Variants in PRDM16 observed in about 807,000 individuals in gnomAD.
The protein encoded by PRDM16 is PR/SET domain 16.
A neutral mutation model predicts 110.6 loss-of-function variants in PRDM16; 23 were observed. The observed-to-expected ratio is 0.21, with a 90% CI of 0.15 to 0.29. The LOEUF (loss-of-function observed/expected upper bound fraction) is 0.29, where lower values mean the gene tolerates loss of function less well. Ranked by LOEUF, PRDM16 falls within the 10% of genes least tolerant of loss-of-function variation. The pLI is 1.00. For synonymous variants in PRDM16, 799 were observed against 781.8 expected, an observed-to-expected ratio of 1.02 and a Z score of -0.37; for missense variants, 1,615 against 1,794.3, an observed-to-expected ratio of 0.90 and a Z score of 1.81.
In PRDM16 at chr1:3,244,001, T is replaced by C; in HGVS notation, c.388-86T>C. ...CCCACCCTGTGACTTTTGGGGACAG[T>C]GGTTCTGCCCCCACCATTTAGAACC... On this transcript the variant is annotated intron_variant, in intron 2 of 16. Transcript: ENST00000270722. This position sits in a 1 kb window ranked among gnomAD's most constrained non-coding sequence, Gnocchi z 4.1. 2.2e-6 allele frequency: 3 copies of C among 1,369,124 alleles called. No homozygotes were observed. The highest frequency in any genetic ancestry group is 3.1e-6 in the Non-Finnish European group (3 of 957,794). The allele number at this position is 1,369,124 out of a possible 1,614,324, so 84.8% of individuals were successfully genotyped here. A position where few individuals can be genotyped will look rare whatever the true frequency, so the allele number is the denominator to read the frequency against.
chr1:3,198,923 G>A (rs771378719), intron 2 of PRDM16, among the ~76,000 whole-genome samples: 12 of 152,156 alleles, frequency 7.9e-5, no homozygotes, highest in Admixed American at 2.6e-4. Flanking sequence ...TATCAGCACC[G>A]TAATTTCACG....
intron 1 of PRDM16, among the ~76,000 whole-genome samples, chr1:3,145,925 TC>T (rs1217000638): frequency 6.6e-6 from 1 of 151,574 alleles, no homozygotes; most frequent in Non-Finnish European, 1.5e-5. Context: ...CCTGGAGAGG[TC>T]CCCCGGCGCC....
rs550877718 is a variant in PRDM16, at chr1:3,190,563, T to G, written c.387+4089T>G. Reference sequence around the variant, plus strand: ...ACCCCCGACCTGGGGGCTCACTCTGTGCATGGCTGTGTGTGTGCCCCAGGG... The same window carrying G: ...ACCCCCGACCTGGGGGCTCACTCTGGGCATGGCTGTGTGTGTGCCCCAGGG... On this transcript the variant is annotated intron_variant, in intron 2 of 16. Coordinates refer to ENST00000270722, the MANE Select transcript of PRDM16 (RefSeq NM_022114.4). This position sits in a 1 kb window ranked among gnomAD's most constrained non-coding sequence, Gnocchi z 5.0. Among the ~76,000 whole-genome samples the G allele has an allele frequency of 2.0e-3, 298 of 152,232 alleles. No homozygotes were observed. Among genetic ancestry groups the G allele is most frequent in the African/African-American group, 6.4e-3 (265 of 41,548 alleles).
At chr1:3,419,017 G>A (rs1227806022) in intron 12 of PRDM16, among the ~76,000 whole-genome samples, 1 of 152,162 alleles carries the variant, frequency 6.6e-6, no homozygotes, top group Non-Finnish European at 1.5e-5. Context: ...CCCACCCTAG[G>A]GTGTTCACTG....
intron 12 of PRDM16, among the ~76,000 whole-genome samples, chr1:3,423,658 C>T (rs760578414): frequency 8.5e-5 from 13 of 152,300 alleles, no homozygotes; most frequent in South Asian, 4.1e-4. Flanking sequence ...GGAGTCCTGT[C>T]CTCTGTGGGA....
rs1643293235 is a variant in PRDM16 at position 3,391,115 on chromosome 1, C to T, written c.574-5376C>T. On this transcript the variant is annotated intron_variant, in intron 4 of 16. Coordinates refer to ENST00000270722, the MANE Select transcript of PRDM16 (RefSeq NM_022114.4). ...CCTCCAGAAGTGCTGGGATGACAGG[C>T]GTGAGCCACCGCCCGAGCCATCCTC... 2.6e-5 allele frequency among the ~76,000 whole-genome samples: 4 copies of T among 152,148 alleles called. No homozygotes were observed. The South Asian group carries it at 6.2e-4, about 24-fold the overall frequency.
At chr1:3,418,059 C>A in intron 11 of PRDM16, 62 bp downstream of exon 11, 1 of 1,383,034 alleles carries the variant, frequency 7.2e-7, no homozygotes, top group Non-Finnish European at 9.9e-7. Context: ...ACACCTGTGG[C>A]TGTGAACCTG....
Position 3,402,953 on chromosome 1 carries a change from C to T in PRDM16, c.839C>T (p.Ala280Val). 6.2e-7 allele frequency: 1 copy of T among 1,612,506 alleles called. No homozygotes were observed. Among genetic ancestry groups the T allele is most frequent in the South Asian group, 1.1e-5 (1 of 91,060 alleles). ...GGCCTTGGCGGTGGCAGCGGCCAAG[C>T]CCACGAGTGCAAGGACTGCGAGCGG... ...PEGLGGGSGQ[A>V]HECKDCERMF... The change falls in exon 6 of 17, where the codon GCC becomes GTC. Residue 280 changes from alanine (A) to valine (V), a missense_variant. By Grantham distance (64) the Ala-to-Val change is moderately conservative. Transcript: ENST00000270722.
chr1:3,371,178 TATCCATCCATCCATCC>T (rs1279336769), intron 3 of PRDM16, among the ~76,000 whole-genome samples: 1 of 100,242 alleles, frequency 1.0e-5, no homozygotes, highest in Non-Finnish European at 1.9e-5. Flanking sequence ...ATCCACCATC[TATCCATCCATCCATCC>T]ATCCATCCAT....
chr1:3,135,147 G>T (rs1455078353), intron 1 of PRDM16, among the ~76,000 whole-genome samples: 2 of 152,210 alleles, frequency 1.3e-5, no homozygotes, highest in African/African-American at 4.8e-5. Flanking sequence ...CCAGGAAACA[G>T]CAAGGCAGCT....
intron 3 of PRDM16, among the ~76,000 whole-genome samples, chr1:3,364,292 G>T (rs1642770419): frequency 6.6e-6 from 1 of 152,178 alleles, no homozygotes; most frequent in Non-Finnish European, 1.5e-5. Flanking sequence ...TATTGTGGGT[G>T]GTTTATCGGT....
Position 3,240,921 on chromosome 1 carries a change from A to C in PRDM16, c.388-3166A>C, listed in dbSNP as rs556121676. On this transcript the variant is annotated intron_variant, in intron 2 of 16. Coordinates refer to ENST00000270722, the MANE Select transcript of PRDM16 (RefSeq NM_022114.4). ...CTCGCTTTTTTTGGCTAAAACGCTTAATCAAACACACCTAATACTTCTGCC... is the reference window on the plus strand; with the variant it reads ...CTCGCTTTTTTTGGCTAAAACGCTTCATCAAACACACCTAATACTTCTGCC... Among the ~76,000 whole-genome samples the C allele has an allele frequency of 1.6e-4, 24 of 152,376 alleles. No individual in the cohort carries two copies. In the East Asian group the frequency reaches 4.2e-3, roughly 27 times the overall value.
intron 8 of PRDM16, among the ~76,000 whole-genome samples, chr1:3,409,068 C>T (rs540294621): frequency 1.5e-5 from 2 of 131,644 alleles, no homozygotes; most frequent in South Asian, 2.6e-4. Flanking sequence ...TGTCGGCGCA[C>T]GTGACAGCGT....
chr1:3,110,109 C>T (rs1642750908), intron 1 of PRDM16, among the ~76,000 whole-genome samples: 1 of 150,146 alleles, frequency 6.7e-6, no homozygotes, highest in African/African-American at 2.5e-5. Flanking sequence ...TGTGGCTCCC[C>T]CATGTCCTGG....
rs183088529 is a variant in PRDM16 at position 3,252,436 on chromosome 1, A to G, written c.438+8299A>G. Among the ~76,000 whole-genome samples, 662 of 151,758 alleles carry G rather than the reference A, an allele frequency of 4.4e-3. 2 individuals are homozygous for G. Among genetic ancestry groups the G allele is most frequent in the African/African-American group, 0.015 (620 of 41,488 alleles). On this transcript the variant is annotated intron_variant, in intron 3 of 16. Transcript: ENST00000270722. The stretch of plus-strand genomic sequence containing the variant: ...CCCAGTCCTGCTCTAGAGCCAGAAG[A>G]AGGCTCTGGGGAGAGTGAGGGCCTC...
At chr1:3,251,509 G>A (rs1209677531) in intron 3 of PRDM16, among the ~76,000 whole-genome samples, 7 of 152,152 alleles carry the variant, frequency 4.6e-5, no homozygotes. Flanking sequence ...GGGGGCCCCT[G>A]GGCAGACACC....
At chr1:3,408,795 C>A (rs867305838) in intron 8 of PRDM16, among the ~76,000 whole-genome samples, 1 of 133,252 alleles carries the variant, frequency 7.5e-6, no homozygotes, top group Admixed American at 7.3e-5. Flanking sequence ...TGAGCCGGTG[C>A]GTGTGTGTGA....
intron 3 of PRDM16, among the ~76,000 whole-genome samples, chr1:3,366,145 C>T (rs1426244125): frequency 6.6e-6 from 1 of 152,232 alleles, no homozygotes; most frequent in South Asian, 2.1e-4. Context: ...GGCTCTAGCG[C>T]CCCGATGTGC....
chr1:3,311,439 C>T (rs1641458555), intron 3 of PRDM16, among the ~76,000 whole-genome samples: 1 of 152,170 alleles, frequency 6.6e-6, no homozygotes, highest in African/African-American at 2.4e-5. Context: ...TGCTCCGAGG[C>T]ACCAATCTGG....
Sources: allele counts gnomAD v4.1 joint callset (sites outside exome capture counted in the v4.1 genomes callset), GRCh38; gene constraint gnomAD v4.1.1; non-coding constraint Gnocchi (gnomAD v3.1); transcripts MANE v1.5; gene names NCBI Gene and HGNC (gene_info 2026-07-23, HGNC 2026-07-21).